Variants in AVEN observed in about 807,000 individuals in gnomAD.
AVEN encodes the protein apoptosis and caspase activation inhibitor.
Under a neutral mutation model 38.1 loss-of-function variants are expected in AVEN, and 41 were observed. That is an observed-to-expected ratio of 1.08 (90% CI 0.84 to 1.40). The LOEUF is 1.40. Ranked by LOEUF, AVEN falls within the 40% of genes most tolerant of loss-of-function variation. AVEN has a pLI of 0.00. For missense variants in AVEN, 605 were observed against 438.8 expected, an observed-to-expected ratio of 1.38 and a Z score of -3.38; for synonymous variants, 206 against 171.8, an observed-to-expected ratio of 1.20 and a Z score of -1.56.
chr15:33,951,625 T>A (rs899354559), intron 2 of AVEN, among the ~76,000 whole-genome samples: 3 of 151,988 alleles, frequency 2.0e-5, no homozygotes, highest in African/African-American at 7.2e-5. Context: ...CATTCCCCTT[T>A]CCCTCCTCTA....
chr15:34,000,790 G>A (rs1046723312), intron 2 of AVEN, among the ~76,000 whole-genome samples: 1 of 152,010 alleles, frequency 6.6e-6, no homozygotes, highest in African/African-American at 2.4e-5. Context: ...GCAACAGAGT[G>A]GGAAAGAAAT....
At chr15:34,016,433 C>G (rs1897915623) in intron 1 of AVEN, among the ~76,000 whole-genome samples, 1 of 152,128 alleles carries the variant, frequency 6.6e-6, no homozygotes, top group African/African-American at 2.4e-5. Flanking sequence ...GGTCAATTAT[C>G]TGCTTCCTGG....
chr15:33,860,705 CA>C lies in AVEN; in HGVS notation n.2730-1612del, dbSNP rs777814673. 2.0e-5 allele frequency: 26 copies of C among 1,328,240 alleles called. No individual in the cohort carries two copies. In the African/African-American group the frequency reaches 3.8e-4, roughly 19 times the overall value. The allele number at this position is 1,328,240 out of a possible 1,614,324, so 82.3% of individuals were successfully genotyped here. A position where few individuals can be genotyped will look rare whatever the true frequency, so the allele number is the denominator to read the frequency against. On this transcript the variant is annotated intron_variant and non_coding_transcript_variant, in intron 11 of 11. Transcript: ENST00000675287. Reference sequence around the variant, plus strand: ...AATCCCAGCTCTATTTTAATATCCCCAGAAGCAAATAGATTTTTTAAACAAT... The same window carrying C: ...AATCCCAGCTCTATTTTAATATCCCCGAAGCAAATAGATTTTTTAAACAAT...
chr15:33,932,526 C>T (rs1893886668), intron 2 of AVEN, among the ~76,000 whole-genome samples: 1 of 152,140 alleles, frequency 6.6e-6, no homozygotes, highest in Non-Finnish European at 1.5e-5. Context: ...GCCAGCGTTA[C>T]TTTTAAATTG....
At position 33,896,714 on chromosome 15, in the gene AVEN, A is replaced by G. The variant is rs148423031; in HGVS notation, c.446-20719T>C. Among the ~76,000 whole-genome samples the G allele has an allele frequency of 4.8e-3, 733 of 152,288 alleles. 6 individuals carry two copies. Among genetic ancestry groups the G allele is most frequent in the Admixed American group, 0.01 (160 of 15,294 alleles). On this transcript the variant is annotated intron_variant, in intron 2 of 5. Transcript: ENST00000306730. ...CCCTCTCATCATCTGCCTGGAGCCT[A>G]ATCATTCATCCTTGAGTCTCAAGTT...
intron 1 of AVEN, among the ~76,000 whole-genome samples, chr15:34,036,935 C>T (rs559503288): frequency 1.3e-5 from 2 of 152,132 alleles, no homozygotes; most frequent in Admixed American, 1.3e-4. Context: ...CATGGTGAAA[C>T]CCCATCTCTA....
At chr15:33,863,479 T>C (rs1378748303), downstream of AVEN, among the ~76,000 whole-genome samples, 2 of 152,116 alleles carry the variant, frequency 1.3e-5, no homozygotes, top group Non-Finnish European at 1.5e-5. Context: ...ACAATCCTTT[T>C]CCGGAAGGGC....
chr15:34,002,746 CTA>C (rs1334621823), intron 2 of AVEN, among the ~76,000 whole-genome samples: 1 of 152,180 alleles, frequency 6.6e-6, no homozygotes, highest in Admixed American at 6.5e-5. Flanking sequence ...GTTTCTCAGA[CTA>C]TCAAATTTAC....
chr15:33,961,812 C>CAAA (rs138076873), intron 2 of AVEN, among the ~76,000 whole-genome samples: 1 of 71,966 alleles, frequency 1.4e-5, no homozygotes, highest in African/African-American at 5.8e-5. Flanking sequence ...GACTCTGTCT[C>CAAA]AAAAAAAAAA....
At chr15:33,865,063 A>T, downstream of AVEN, 1 of 1,298,744 alleles carries the variant, frequency 7.7e-7, no homozygotes, top group Non-Finnish European at 1.1e-6. Flanking sequence ...CACAAAGAAC[A>T]AAAACAAACT....
intron 2 of AVEN, among the ~76,000 whole-genome samples, chr15:33,888,421 CA>C: frequency 6.6e-6 from 1 of 151,988 alleles, no homozygotes; most frequent in Admixed American, 6.5e-5. Flanking sequence ...GCTGCCCAGG[CA>C]AAAAGCCAGA....
At chr15:33,977,835 GC>G (rs1185401293) in intron 2 of AVEN, among the ~76,000 whole-genome samples, 2 of 152,062 alleles carry the variant, frequency 1.3e-5, no homozygotes, top group Non-Finnish European at 2.9e-5. Context: ...CACTTTGGAG[GC>G]CAAGGCAGGA....
At chr15:33,950,057 T>C (rs1894676754) in intron 2 of AVEN, among the ~76,000 whole-genome samples, 2 of 152,208 alleles carry the variant, frequency 1.3e-5, no homozygotes, top group South Asian at 4.1e-4. Context: ...AGCCTGCTAT[T>C]TGCAACAATG....
intron 2 of AVEN, among the ~76,000 whole-genome samples, chr15:33,983,735 G>A (rs1161663031): frequency 6.6e-6 from 1 of 152,084 alleles, no homozygotes; most frequent in East Asian, 1.9e-4. Context: ...TAAATGGAAA[G>A]GGAAAAACAG....
intron 5 of AVEN, among the ~76,000 whole-genome samples, chr15:34,044,615 C>A (rs919126463): frequency 2.8e-4 from 42 of 152,172 alleles, no homozygotes; most frequent in African/African-American, 1.0e-3. Context: ...TCTGGAATAA[C>A]AAGACAATAC....
chr15:33,863,989 G>A (rs1889489419), downstream of AVEN: 4 of 574,312 alleles, frequency 7.0e-6, no homozygotes, highest in South Asian at 9.8e-5. Flanking sequence ...ATGATGGTTT[G>A]TGTCCTTATG....
At chr15:33,974,957 G>A (rs1214024185) in intron 2 of AVEN, among the ~76,000 whole-genome samples, 1 of 152,246 alleles carries the variant, frequency 6.6e-6, no homozygotes, top group South Asian at 2.1e-4. Context: ...GAGCAACAAG[G>A]GCGAAACTCT....
chr15:33,894,825 ATAACAATAATAAT>A (rs1334824007), intron 2 of AVEN, among the ~76,000 whole-genome samples: 4 of 87,670 alleles, frequency 4.6e-5, no homozygotes, highest in Non-Finnish European at 7.0e-5. Flanking sequence ...AAAAAAAATA[ATAACAATAATAAT>A]AATAATAATA....
At chr15:33,930,774 T>C (rs1230252664) in intron 2 of AVEN, among the ~76,000 whole-genome samples, 1 of 151,980 alleles carries the variant, frequency 6.6e-6, no homozygotes, top group Non-Finnish European at 1.5e-5. Context: ...GCTAACATGG[T>C]GAAACCCCAT....
Sources: gnomAD v4.1 joint callset for allele counts (sites outside exome capture counted in the v4.1 genomes callset) on GRCh38, gnomAD v4.1.1 for gene constraint, MANE v1.5 for transcripts, NCBI Gene and HGNC (gene_info 2026-07-23, HGNC 2026-07-21) for gene names.